PDSS2: variants seen among roughly 807,000 people sequenced by gnomAD.
PDSS2 encodes all trans-polyprenyl-diphosphate synthase PDSS2.
In PDSS2, 31 loss-of-function variants were observed where a neutral mutation model predicts 44.5. The observed-to-expected ratio is 0.70, with a 90% CI of 0.52 to 0.94. The LOEUF is 0.94. Among genes scored for constraint, PDSS2 ranks in the 40% least tolerant of loss-of-function variants. The pLI, the probability that PDSS2 is intolerant of heterozygous loss-of-function variation, is 0.00. For missense variants in PDSS2, 452 were observed against 482.2 expected, an observed-to-expected ratio of 0.94 and a Z score of 0.59; for synonymous variants, 157 against 180.3, an observed-to-expected ratio of 0.87 and a Z score of 1.03.
At chr6:107,298,631 A>G (rs570480623) in intron 2 of PDSS2, among the ~76,000 whole-genome samples, 18 of 152,328 alleles carry the variant, frequency 1.2e-4, no homozygotes, top group Middle Eastern at 3.4e-3. Flanking sequence ...ATAGATATGC[A>G]TGTGTATGTA....
chr6:107,257,378 A>C (rs2114861812), intron 3 of PDSS2, among the ~76,000 whole-genome samples: 1 of 151,492 alleles, frequency 6.6e-6, no homozygotes, highest in Admixed American at 6.6e-5. Context: ...TGTCTACAAA[A>C]ACTTCAAAAA....
intron 4 of PDSS2, among the ~76,000 whole-genome samples, chr6:107,220,040 T>G (rs182365384): frequency 5.3e-5 from 8 of 152,234 alleles, no homozygotes; most frequent in African/African-American, 1.9e-4. Flanking sequence ...ATAATTCCAT[T>G]GATGTGAAAT....
chr6:107,260,106 A>G (rs1775165222), intron 3 of PDSS2, among the ~76,000 whole-genome samples: 1 of 152,222 alleles, frequency 6.6e-6, no homozygotes, highest in Admixed American at 6.5e-5. Context: ...ATACTTTCCA[A>G]CAAACCCACT....
At chr6:107,378,042 T>TA (rs1189814722) in intron 1 of PDSS2, among the ~76,000 whole-genome samples, 1 of 145,726 alleles carries the variant, frequency 6.9e-6, no homozygotes, top group South Asian at 2.3e-4. Context: ...ATAATAATAA[T>TA]AAAAAAATAA....
At chr6:107,156,047 A>G (rs1554245575) in intron 7 of PDSS2, among the ~76,000 whole-genome samples, 2 of 139,708 alleles carry the variant, frequency 1.4e-5, no homozygotes, top group East Asian at 2.1e-4. Context: ...CTGCCACCAC[A>G]CCTGGCTAAT....
chr6:107,411,086 A>T (rs1780478173), intron 1 of PDSS2, among the ~76,000 whole-genome samples: 1 of 151,978 alleles, frequency 6.6e-6, no homozygotes, highest in African/African-American at 2.4e-5. Flanking sequence ...GGGTTTTGCT[A>T]TGTTGGCCAG....
intron 3 of PDSS2, among the ~76,000 whole-genome samples, chr6:107,270,621 T>G (rs1326499877): frequency 6.6e-6 from 1 of 152,208 alleles, no homozygotes; most frequent in Non-Finnish European, 1.5e-5. Context: ...CCACAACCAA[T>G]GTCAACTACT....
At chr6:107,212,044 A>G (rs1225348862) in intron 5 of PDSS2, 65 bp downstream of exon 5, 2 of 1,366,806 alleles carry the variant, frequency 1.5e-6, no homozygotes, top group African/African-American at 2.9e-5. Context: ...TAAATGGCAA[A>G]AGGTTTCTTG....
At chr6:107,307,644 G>A (rs1161359707) in intron 2 of PDSS2, among the ~76,000 whole-genome samples, 1 of 150,820 alleles carries the variant, frequency 6.6e-6, no homozygotes, top group East Asian at 1.9e-4. Flanking sequence ...CCCATTTCTT[G>A]TGGGTATTAT....
At chr6:107,307,650 A>G (rs1050789343) in intron 2 of PDSS2, among the ~76,000 whole-genome samples, 2 of 151,656 alleles carry the variant, frequency 1.3e-5, no homozygotes, top group East Asian at 3.9e-4. Context: ...TCTTGTGGGT[A>G]TTATATTACC....
intron 1 of PDSS2, among the ~76,000 whole-genome samples, chr6:107,445,188 T>TTA (rs60071847): frequency 5.1e-4 from 76 of 149,884 alleles, no homozygotes; most frequent in East Asian, 1.4e-3. Flanking sequence ...ATTACATATT[T>TTA]TATATATATA....
chr6:107,313,018 C>A (rs1045159986), intron 2 of PDSS2, among the ~76,000 whole-genome samples: 2 of 152,168 alleles, frequency 1.3e-5, no homozygotes, highest in African/African-American at 4.8e-5. Flanking sequence ...ACTGCTACTT[C>A]TCTTCACCTC....
chr6:107,308,228 CT>C (rs1313323000), intron 2 of PDSS2, among the ~76,000 whole-genome samples: 4 of 151,980 alleles, frequency 2.6e-5, no homozygotes, highest in Admixed American at 6.6e-5. Flanking sequence ...AAAAAACAAA[CT>C]TTAAAAAACT....
At chr6:107,225,141 A>ATATATATATATATATATATATATT (rs1562389028) in intron 4 of PDSS2, among the ~76,000 whole-genome samples, 1 of 39,468 alleles carries the variant, frequency 2.5e-5, no homozygotes, top group African/African-American at 1.8e-4. Context: ...ATATTTTTAT[A>ATATATATATATATATATATATATT]TATATATATA....
At chr6:107,225,149 A>ATT (rs1795123588) in intron 4 of PDSS2, among the ~76,000 whole-genome samples, 3 of 55,404 alleles carry the variant, frequency 5.4e-5, no homozygotes, top group East Asian at 4.0e-4. Flanking sequence ...ATATATATAT[A>ATT]TATATATATA....
chr6:107,445,188 T>TTATATATATATATATATATATA (rs60071847), intron 1 of PDSS2, among the ~76,000 whole-genome samples: 6 of 149,822 alleles, frequency 4.0e-5, no homozygotes, highest in African/African-American at 1.5e-4. Flanking sequence ...ATTACATATT[T>TTATATATATATATATATATATA]TATATATATA....
intron 7 of PDSS2, among the ~76,000 whole-genome samples, chr6:107,191,848 G>A (rs1334703380): frequency 1.3e-5 from 2 of 152,152 alleles, no homozygotes; most frequent in African/African-American, 4.8e-5. Context: ...CTGGGCTCAA[G>A]TGGTCCTCCC....
At chr6:107,326,000 C>T (rs1294504277) in intron 2 of PDSS2, among the ~76,000 whole-genome samples, 1 of 152,208 alleles carries the variant, frequency 6.6e-6, no homozygotes, top group Non-Finnish European at 1.5e-5. Flanking sequence ...GACAATTATT[C>T]AGCCATGATC....
chr6:107,203,811 C>T (rs1340272537), intron 6 of PDSS2, among the ~76,000 whole-genome samples: 1 of 152,122 alleles, frequency 6.6e-6, no homozygotes, highest in East Asian at 1.9e-4. Context: ...ACAGTCTCTC[C>T]CGCTTCGCCT....
Sources: allele counts gnomAD v4.1 joint callset (sites outside exome capture counted in the v4.1 genomes callset), GRCh38; gene constraint gnomAD v4.1.1; transcripts MANE v1.5; gene names NCBI Gene and HGNC (gene_info 2026-07-23, HGNC 2026-07-21).